The following PDE4D variants were observed in gnomAD, a reference collection of about 807,000 sequenced individuals.
The protein encoded by PDE4D is phosphodiesterase 4D.
Under a neutral mutation model 87.4 loss-of-function variants are expected in PDE4D, and 24 were observed. The observed-to-expected ratio is 0.27, with a 90% confidence interval of 0.20 to 0.39. The LOEUF (loss-of-function observed/expected upper bound fraction) is 0.39. Among genes scored for constraint, PDE4D ranks in the 10% least tolerant of loss-of-function variants. PDE4D has a pLI of 1.00. For missense variants in PDE4D, 714 were observed against 1,041.0 expected (o/e 0.69, Z 4.32); for synonymous variants, 384 against 383.2 (o/e 1.00, Z -0.02).
intron 1 of PDE4D, among the ~76,000 whole-genome samples, chr5:59,646,659 G>A (rs188355643): frequency 3.9e-5 from 6 of 152,258 alleles, no homozygotes; most frequent in South Asian, 2.1e-4. Flanking sequence ...TTGAACGCTT[G>A]TTTGGCTTAA....
At chr5:60,212,397 G>A (rs1007256756) in intron 1 of PDE4D, among the ~76,000 whole-genome samples, 1 of 152,184 alleles carries the variant, frequency 6.6e-6, no homozygotes, top group Non-Finnish European at 1.5e-5. Context: ...GCCAATTGGA[G>A]CACTCTATGC....
intron 10 of PDE4D, among the ~76,000 whole-genome samples, chr5:58,988,799 C>T (rs1209580625): frequency 6.6e-6 from 1 of 152,052 alleles, no homozygotes; most frequent in Admixed American, 6.5e-5. Context: ...TTTATTACAT[C>T]TCATGATCAA....
intron 1 of PDE4D, among the ~76,000 whole-genome samples, chr5:59,589,563 G>T (rs146717843): frequency 6.6e-6 from 1 of 152,062 alleles, no homozygotes; most frequent in Non-Finnish European, 1.5e-5. Context: ...TTTTTAAAAA[G>T]ATGTAAAAAT....
rs534853263 is a variant in PDE4D, at chr5:59,816,542, A to G, written c.455+76626T>C. Among the ~76,000 whole-genome samples the G allele has an allele frequency of 2.0e-5, 3 of 152,324 alleles. No homozygotes were observed. The South Asian group carries it at 6.2e-4, about 32-fold the overall frequency. ...CAAAAATACTAACATTTACATATCA[A>G]TGAAAGGCTATGCCTATTATATCTA... On this transcript the variant is annotated intron_variant, in intron 1 of 14. Coordinates refer to ENST00000340635, the MANE Select transcript of PDE4D (RefSeq NM_001104631.2).
chr5:59,031,707 C>CAA (rs70973183), intron 6 of PDE4D, among the ~76,000 whole-genome samples: 215 of 16,668 alleles, frequency 0.013, 21 homozygotes, highest in African/African-American at 0.046. Flanking sequence ...GACTCCACCT[C>CAA]AAAAAAAAAA....
intron 2 of PDE4D, among the ~76,000 whole-genome samples, chr5:60,052,319 A>T (rs375978400): frequency 1.3e-5 from 2 of 152,218 alleles, no homozygotes; most frequent in Admixed American, 1.3e-4. Flanking sequence ...ATCCAGCAGC[A>T]CATCAAAAAG....
Position 60,200,019 on chromosome 5 carries a change from C to T in PDE4D, c.-89-14332G>A, listed in dbSNP as rs564834008. On this transcript the variant is annotated intron_variant, in intron 1 of 16. Coordinates refer to the PDE4D transcript ENST00000502484. ...CAGGAGAGACAGACACCAAATCATC[C>T]CAAGAGCACTCAATTGGAAAATGGC... 1.0e-3 allele frequency among the ~76,000 whole-genome samples: 151 copies of T among 151,588 alleles called. 2 individuals carry two copies. The highest frequency in any genetic ancestry group is 3.4e-3 in the African/African-American group (143 of 41,452).
At chr5:59,062,552 G>A (rs921301132) in intron 5 of PDE4D, among the ~76,000 whole-genome samples, 1 of 152,068 alleles carries the variant, frequency 6.6e-6, no homozygotes, top group Non-Finnish European at 1.5e-5. Context: ...ACATCGAGGA[G>A]TTTAGGGATA....
intron 6 of PDE4D, among the ~76,000 whole-genome samples, chr5:59,008,534 C>T (rs191183244): frequency 1.3e-4 from 20 of 151,862 alleles, no homozygotes; most frequent in Non-Finnish European, 1.5e-5. Flanking sequence ...ATTGAGCATC[C>T]ACTCATAAAA....
chr5:60,423,445 C>A (rs1412000172), intron 1 of PDE4D, among the ~76,000 whole-genome samples: 3 of 152,164 alleles, frequency 2.0e-5, no homozygotes, highest in African/African-American at 7.2e-5. Context: ...TGAATGACTA[C>A]TGGGTACATA....
intron 7 of PDE4D, 116 bp from the exon 8 acceptor site, chr5:58,992,120 TA>T: frequency 1.5e-6 from 1 of 689,502 alleles, no homozygotes; most frequent in Non-Finnish European, 2.1e-6. Context: ...TGTTTCCAAC[TA>T]AAAAGTTTCC....
chr5:59,846,214 C>T (rs1210427175), intron 1 of PDE4D, among the ~76,000 whole-genome samples: 1 of 152,036 alleles, frequency 6.6e-6, no homozygotes, highest in Non-Finnish European at 1.5e-5. Context: ...ACTGGACACA[C>T]ACTGAAAAGG....
chr5:59,334,627 T>C (rs1189634585), intron 1 of PDE4D, among the ~76,000 whole-genome samples: 1 of 152,102 alleles, frequency 6.6e-6, no homozygotes, highest in Non-Finnish European at 1.5e-5. Context: ...TTAGCTTTTA[T>C]GTTAGTTGTG....
chr5:59,731,346 AATG>A (rs1344993601), intron 1 of PDE4D, among the ~76,000 whole-genome samples: 6 of 152,016 alleles, frequency 3.9e-5, no homozygotes, highest in African/African-American at 7.2e-5. Context: ...CAGTATCGCC[AATG>A]GTCGTGAGAT....
chr5:60,034,348 G>T (rs1767559389), intron 2 of PDE4D, among the ~76,000 whole-genome samples: 1 of 152,202 alleles, frequency 6.6e-6, no homozygotes, highest in South Asian at 2.1e-4. Flanking sequence ...CAGGATGTCA[G>T]TGGGATTAAT....
intron 2 of PDE4D, among the ~76,000 whole-genome samples, chr5:60,049,068 T>G (rs1233851619): frequency 2.0e-5 from 3 of 152,192 alleles, no homozygotes; most frequent in Non-Finnish European, 4.4e-5. Context: ...CCCGTTTCTT[T>G]TTATTCTTTT....
chr5:60,218,648 T>TGTG (rs1367066936), intron 1 of PDE4D, among the ~76,000 whole-genome samples: 1 of 152,106 alleles, frequency 6.6e-6, no homozygotes, highest in African/African-American at 2.4e-5. Flanking sequence ...GTGATATGAC[T>TGTG]GTGAAGTCCA....
intron 1 of PDE4D, among the ~76,000 whole-genome samples, chr5:60,454,172 C>T (rs991181899): frequency 2.0e-5 from 3 of 152,102 alleles, no homozygotes; most frequent in Non-Finnish European, 2.9e-5. Context: ...TCTTTGACTT[C>T]GGACTTCACA....
chr5:60,398,242 A>G (rs1763024702), intron 1 of PDE4D, among the ~76,000 whole-genome samples: 1 of 152,218 alleles, frequency 6.6e-6, no homozygotes, highest in Admixed American at 6.5e-5. Context: ...CCATAGCTGT[A>G]TTAGCTTCTT....
Sources: gnomAD v4.1 joint callset for allele counts (sites outside exome capture counted in the v4.1 genomes callset) on GRCh38, gnomAD v4.1.1 for gene constraint, MANE v1.5 for transcripts, NCBI Gene and HGNC (gene_info 2026-07-23, HGNC 2026-07-21) for gene names.